Variants in RASGRP3 observed in about 807,000 individuals in gnomAD.
RASGRP3 encodes ras guanyl-releasing protein 3.
A neutral mutation model predicts 82.7 loss-of-function variants in RASGRP3; 54 were observed. That is an observed-to-expected ratio of 0.65 (90% CI 0.52 to 0.82). The LOEUF is 0.82. RASGRP3 is among the 40% of genes least tolerant of loss of function. RASGRP3 has a pLI of 0.00. For synonymous variants in RASGRP3, 309 were observed against 300.5 expected, an observed-to-expected ratio of 1.03 and a Z score of -0.29; for missense variants, 861 against 828.9, an observed-to-expected ratio of 1.04 and a Z score of -0.48.
intron 2 of RASGRP3, among the ~76,000 whole-genome samples, chr2:33,455,827 T>A (rs1296336035): frequency 6.6e-6 from 1 of 152,198 alleles, no homozygotes; most frequent in Non-Finnish European, 1.5e-5. Flanking sequence ...AAAGGAATCT[T>A]CACCATGACA....
At position 33,524,451 on chromosome 2, in the gene RASGRP3, A is replaced by T. The variant is rs1393796799; in HGVS notation, c.710A>T (p.Asn237Ile). 12 of 1,599,096 alleles carry T rather than the reference A, an allele frequency of 7.5e-6. No homozygotes were observed. The highest frequency in any genetic ancestry group is 1.0e-5 in the Non-Finnish European group (12 of 1,172,990). The change falls in exon 9 of 18, where the codon AAT becomes ATT. Residue 237 changes from asparagine (N) to isoleucine (I), a missense_variant. Asn to Ile is a moderately radical substitution (Grantham distance 149). Coordinates refer to ENST00000403687, the MANE Select transcript of RASGRP3 (RefSeq NM_001139488.2). ...TTGCAGAAGCTCCTTCAGCTCAAAA[A>T]TTTTAACACCCTGATGGCAGTGGTG... ...NVAKKLLQLK[N>I]FNTLMAVVGG...
chr2:33,475,783 G>C (rs1209706485), upstream of RASGRP3, among the ~76,000 whole-genome samples: 1 of 152,202 alleles, frequency 6.6e-6, no homozygotes, highest in Non-Finnish European at 1.5e-5. Flanking sequence ...GGTTTGCCAC[G>C]TTTGCGAGCA....
At chr2:33,561,962 A>G (rs1676708794) in intron 17 of RASGRP3, among the ~76,000 whole-genome samples, 1 of 152,202 alleles carries the variant, frequency 6.6e-6, no homozygotes, top group South Asian at 2.1e-4. Context: ...AATTAAATTT[A>G]GTCAACAAAT....
chr2:33,547,067 AAAAAAAAGAG>A (rs1263219003), intron 13 of RASGRP3, among the ~76,000 whole-genome samples: 54 of 145,130 alleles, frequency 3.7e-4, no homozygotes, highest in African/African-American at 1.4e-3. Context: ...AAAAAAAAAA[AAAAAAAAGAG>A]AGAGAGAATG....
intron 1 of RASGRP3, among the ~76,000 whole-genome samples, chr2:33,438,837 C>G (rs1043914519): frequency 1.3e-5 from 2 of 152,144 alleles, no homozygotes; most frequent in African/African-American, 4.8e-5. Flanking sequence ...CCAACCCTGG[C>G]CTTCACATTT....
At position 33,558,228 on chromosome 2, in the gene RASGRP3, C is replaced by CACAA. The variant is rs1676232062; in HGVS notation, c.1601_1604dup (p.Cys536ThrfsTer38). On this transcript the variant is annotated frameshift_variant, in exon 16 of 18. Transcript: ENST00000403687. LOFTEE classifies it high-confidence loss of function. ...TTTTTCAGACTGTGGAGCCAATTGT[C>CACAA]ACAAACAGTGCAAAGACCTCCTGGT... is the stretch of plus-strand genomic sequence containing the variant. 2 of 1,611,390 alleles carry CACAA rather than the reference C, an allele frequency of 1.2e-6. No individual in the cohort carries two copies. The highest frequency in any genetic ancestry group is 1.1e-5 in the South Asian group (1 of 90,376).
At chr2:33,486,527 A>G (rs536349372) in intron 1 of RASGRP3, among the ~76,000 whole-genome samples, 1 of 152,358 alleles carries the variant, frequency 6.6e-6, no homozygotes, top group South Asian at 2.1e-4. Context: ...TGAAGAATAT[A>G]GAATTTATCC....
intron 1 of RASGRP3, among the ~76,000 whole-genome samples, chr2:33,490,609 C>T (rs769075863): frequency 6.6e-6 from 1 of 152,200 alleles, no homozygotes; most frequent in Non-Finnish European, 1.5e-5. Flanking sequence ...CTTTGCTGCT[C>T]CTCCTCCCCT....
chr2:33,509,030 C>CAGAT (rs1346605080), intron 1 of RASGRP3, among the ~76,000 whole-genome samples: 2 of 152,156 alleles, frequency 1.3e-5, no homozygotes, highest in Non-Finnish European at 2.9e-5. Context: ...CACAAGGGCA[C>CAGAT]AGATCCTAGC....
At chr2:33,512,438 C>G (rs1671014309) in intron 2 of RASGRP3, among the ~76,000 whole-genome samples, 1 of 152,144 alleles carries the variant, frequency 6.6e-6, no homozygotes, top group Non-Finnish European at 1.5e-5. Context: ...GGTAATCAAA[C>G]TTGTTAATTG....
intron 14 of RASGRP3, among the ~76,000 whole-genome samples, chr2:33,553,758 T>C (rs1399841201): frequency 6.6e-6 from 1 of 152,112 alleles, no homozygotes; most frequent in Non-Finnish European, 1.5e-5. Context: ...TTATTATTAT[T>C]TTTTCTTTGA....
intron 1 of RASGRP3, among the ~76,000 whole-genome samples, chr2:33,487,473 T>G (rs923801351): frequency 1.3e-5 from 2 of 152,196 alleles, no homozygotes; most frequent in Non-Finnish European, 2.9e-5. Flanking sequence ...AGGAGGGAGT[T>G]AAAGAAGTTT....
At position 33,461,643 on chromosome 2, in the gene RASGRP3, A is replaced by G. The variant is rs190556886; in HGVS notation, c.-261+13700A>G. Among the ~76,000 whole-genome samples, 246 of 152,364 alleles carry G rather than the reference A, an allele frequency of 1.6e-3. 1 individual carries two copies. Among genetic ancestry groups the G allele is most frequent in the African/African-American group, 5.7e-3 (238 of 41,588 alleles). On this transcript the variant is annotated intron_variant, in intron 2 of 18. Coordinates refer to the RASGRP3 transcript ENST00000402538. ...AGTTTATGCCTTATGATCTACAAATAAGAAATCTTGTAGCAATAATGTTAG... is the reference window on the plus strand; with the variant it reads ...AGTTTATGCCTTATGATCTACAAATGAGAAATCTTGTAGCAATAATGTTAG...
In RASGRP3 at chr2:33,543,525, A is replaced by G. The variant is rs1674462730; in HGVS notation, c.1292A>G (p.Asn431Ser). The G allele has an allele frequency of 6.2e-7, 1 of 1,601,760 alleles. No homozygotes were observed. ...IRKLVESVFR[N>S]YDHDHDGYIS... is the part of the protein sequence containing the mutation. ...TTTCCTTTGCAGTCTGTATTTAGAA[A>G]CTATGATCACGACCATGATGGGTAC... The change falls in exon 13 of 18, where the codon AAC becomes AGC. Residue 431 changes from asparagine (N) to serine (S), a missense_variant. Asn to Ser is a conservative substitution (Grantham distance 46). Coordinates refer to ENST00000403687, the MANE Select transcript of RASGRP3 (RefSeq NM_001139488.2).
rs1160093812 is a variant in RASGRP3, at chr2:33,520,574, T to C, written c.258T>C (p.Pro86=). ...TCAGGTACTGGATTCTGAAGTTTCC[T>C]GCAGAGTTTAATTTGGATCTTGGTT... ...YFMRYWILKF[P]AEFNLDLGLI... Residue 86 remains proline (P), a synonymous_variant, in exon 6 of 18, where the codon CCT becomes CCC. Coordinates refer to ENST00000403687, the MANE Select transcript of RASGRP3 (RefSeq NM_001139488.2). 6.8e-6 allele frequency: 11 copies of C among 1,614,048 alleles called. No individual in the cohort carries two copies. Among genetic ancestry groups the C allele is most frequent in the Non-Finnish European group, 9.3e-6 (11 of 1,179,888 alleles).
chr2:33,508,681 G>T (rs1315465132), intron 1 of RASGRP3, among the ~76,000 whole-genome samples: 1 of 152,192 alleles, frequency 6.6e-6, no homozygotes, highest in Non-Finnish European at 1.5e-5. Flanking sequence ...ATGTACAAAA[G>T]CCATTGTGAA....
intron 2 of RASGRP3, among the ~76,000 whole-genome samples, chr2:33,467,808 C>T (rs936622997): frequency 6.6e-6 from 1 of 152,182 alleles, no homozygotes; most frequent in African/African-American, 2.4e-5. Flanking sequence ...CACAAAGGCC[C>T]ATTGGGACCT....
chr2:33,538,713 C>T (rs1345134972), intron 11 of RASGRP3, among the ~76,000 whole-genome samples: 1 of 151,852 alleles, frequency 6.6e-6, no homozygotes, highest in Non-Finnish European at 1.5e-5. Context: ...TCTCAGTGTC[C>T]CTGGTCCTAG....
intron 2 of RASGRP3, among the ~76,000 whole-genome samples, chr2:33,514,526 A>C (rs1457963722): frequency 6.7e-6 from 1 of 149,804 alleles, no homozygotes; most frequent in East Asian, 1.9e-4. Context: ...AAAAAAAAAA[A>C]ACCCAAAAAA....
Sources: gnomAD v4.1 joint callset for allele counts (sites outside exome capture counted in the v4.1 genomes callset) on GRCh38, gnomAD v4.1.1 for gene constraint, MANE v1.5 for transcripts, NCBI Gene and HGNC (gene_info 2026-07-23, HGNC 2026-07-21) for gene names.